The following PSMG4 variants were observed in gnomAD, a reference collection of about 807,000 sequenced individuals.
The protein encoded by PSMG4 is proteasome assembly chaperone 4, also known as proteasome (prosome, macropain) assembly chaperone 4.
PSMG4 carries 10 observed loss-of-function variants against 11.0 expected under a neutral mutation model. The ratio of observed to expected loss-of-function variants is 0.91; its 90% CI spans 0.56 to 1.54. The LOEUF (loss-of-function observed/expected upper bound fraction) is 1.54. PSMG4 is among the 40% of genes most tolerant of loss of function. PSMG4 has a pLI of 0.00. For missense variants in PSMG4, 198 were observed against 160.9 expected (o/e 1.23, Z -1.25); for synonymous variants, 95 against 71.3 (o/e 1.33, Z -1.68).
chr6:3,263,602 G>A (rs1758073909), intron 1 of PSMG4, 82 bp from the exon 2 acceptor site: 1 of 1,231,124 alleles, frequency 8.1e-7, no homozygotes, highest in Non-Finnish European at 1.1e-6. Flanking sequence ...TCGTCGTGAA[G>A]AATCAGAAGC....
At chr6:3,261,242 T>C (rs867956799) in intron 1 of PSMG4, among the ~76,000 whole-genome samples, 2 of 152,306 alleles carry the variant, frequency 1.3e-5, no homozygotes, top group Middle Eastern at 3.4e-3. Flanking sequence ...TCCTTTTTTC[T>C]TTTTTTCTTT....
In PSMG4 at chr6:3,260,292, T is replaced by TATA. The variant is rs1554129658; in HGVS notation, c.174+1096_174+1097insATA. Reference sequence around the variant, plus strand: ...GTCTTAAATTGTATATATATATATATTTTTTTTTTTTTTTTTTGAAGCAAA... The same window carrying TATA: ...GTCTTAAATTGTATATATATATATATATATTTTTTTTTTTTTTTTTGAAGCAAA... On this transcript the variant is annotated intron_variant, in intron 1 of 2. Transcript: ENST00000438998. Among the ~76,000 whole-genome samples, 13 of 12,650 alleles carry TATA rather than the reference T, an allele frequency of 1.0e-3. No individual in the cohort carries two copies. In the South Asian group the frequency reaches 0.013, roughly 13 times the overall value. 8.3% of individuals were successfully genotyped at this position (12,650 alleles called of 152,430 possible). A position where few individuals can be genotyped will look rare whatever the true frequency, so the allele number is the denominator to read the frequency against.
At chr6:3,254,573 T>C (rs929822415), upstream of PSMG4, among the ~76,000 whole-genome samples, 1 of 152,152 alleles carries the variant, frequency 6.6e-6, no homozygotes, top group African/African-American at 2.4e-5. Flanking sequence ...TTTGTGAGGC[T>C]GGGAACCCAA....
intron 2 of PSMG4, 31 bp downstream of exon 2, chr6:3,263,790 A>G: frequency 6.5e-7 from 1 of 1,543,776 alleles, no homozygotes; most frequent in Admixed American, 2.0e-5. Flanking sequence ...CTGCATGGCC[A>G]GCCAGGTGGG....
chr6:3,257,704 G>T (rs575041376), upstream of PSMG4, among the ~76,000 whole-genome samples: 1 of 152,206 alleles, frequency 6.6e-6, no homozygotes, highest in East Asian at 1.9e-4. Flanking sequence ...ACTAATCTGT[G>T]TGGCAGGAAG....
chr6:3,264,424 G>A (rs1758109324), intron 2 of PSMG4: 28 of 1,476,680 alleles, frequency 1.9e-5, no homozygotes, highest in Admixed American at 2.3e-5. Context: ...TCTCCAGTAG[G>A]CCCAGCTGCT....
chr6:3,260,291 A>ATATATATATATATATATATTTTT, intron 1 of PSMG4, among the ~76,000 whole-genome samples: 2 of 70,862 alleles, frequency 2.8e-5, no homozygotes, highest in East Asian at 4.6e-4. Context: ...ATATATATAT[A>ATATATATATATATATATATTTTT]TTTTTTTTTT....
At chr6:3,256,083 C>G (rs1757752114), upstream of PSMG4, among the ~76,000 whole-genome samples, 1 of 152,214 alleles carries the variant, frequency 6.6e-6, no homozygotes, top group South Asian at 2.1e-4. Context: ...AAGTCTACCA[C>G]CACTGCATCC....
upstream of PSMG4, among the ~76,000 whole-genome samples, chr6:3,256,752 T>G (rs1198063155): frequency 1.3e-4 from 20 of 152,158 alleles, no homozygotes; most frequent in Admixed American, 1.3e-3. Flanking sequence ...GAGTTGTGAG[T>G]TGTTCTGCAC....
upstream of PSMG4, chr6:3,254,917 G>T: frequency 1.0e-6 from 1 of 959,492 alleles, no homozygotes. Context: ...CTGAGCTGGT[G>T]CTTCAGCCAT....
intron 2 of PSMG4, chr6:3,264,038 C>G: frequency 7.2e-7 from 1 of 1,397,470 alleles, no homozygotes; most frequent in South Asian, 1.5e-5. Flanking sequence ...TAGTTGCCTT[C>G]CGTAAGTGCA....
chr6:3,254,615 C>G (rs115993805), upstream of PSMG4, among the ~76,000 whole-genome samples: 11 of 152,220 alleles, frequency 7.2e-5, 2 homozygotes, highest in Admixed American at 4.6e-4. Flanking sequence ...GTAGGCGTAG[C>G]TTTAAGAGGT....
upstream of PSMG4, chr6:3,255,338 A>C (rs146482287): frequency 1.4e-4 from 207 of 1,469,768 alleles, no homozygotes; most frequent in Non-Finnish European, 1.8e-4. Context: ...TGGTGGAGTC[A>C]TTCTATGTAG....
upstream of PSMG4, chr6:3,255,202 G>A: frequency 6.5e-7 from 1 of 1,550,370 alleles, no homozygotes; most frequent in Non-Finnish European, 8.7e-7. Context: ...TAGGATGTTT[G>A]GTGGCAGCAG....
chr6:3,258,183 GGATGATT>G (rs1757830640), upstream of PSMG4, among the ~76,000 whole-genome samples: 1 of 22,750 alleles, frequency 4.4e-5, no homozygotes, highest in Non-Finnish European at 3.8e-4. Context: ...TGGGATGATT[GGATGATT>G]GTTGGTGCTT....
intron 2 of PSMG4, 193 bp from the exon 3 acceptor site, chr6:3,267,398 A>T: frequency 6.6e-6 from 3 of 452,462 alleles, no homozygotes; most frequent in Non-Finnish European, 1.1e-5. Flanking sequence ...TCTGGTGGAG[A>T]GACTGGGAGA....
chr6:3,259,287 G>A (rs1232989944), intron 1 of PSMG4, 91 bp downstream of exon 1: 1 of 1,122,164 alleles, frequency 8.9e-7, no homozygotes, highest in African/African-American at 1.6e-5. Flanking sequence ...GGCTTCTCTT[G>A]GGTCCACAGG....
At chr6:3,261,500 C>T (rs899737864) in intron 1 of PSMG4, among the ~76,000 whole-genome samples, 7 of 152,174 alleles carry the variant, frequency 4.6e-5, no homozygotes, top group Admixed American at 3.9e-4. Context: ...TTTGGTCACC[C>T]GACCCCATGG....
upstream of PSMG4, among the ~76,000 whole-genome samples, chr6:3,257,621 T>A (rs189478823): frequency 1.3e-5 from 2 of 152,090 alleles, no homozygotes; most frequent in Non-Finnish European, 2.9e-5. Context: ...ATAATTATGA[T>A]GAAGGAAAGA....
Sources: gnomAD v4.1 joint callset for allele counts (sites outside exome capture counted in the v4.1 genomes callset) on GRCh38, gnomAD v4.1.1 for gene constraint, MANE v1.5 for transcripts, NCBI Gene and HGNC (gene_info 2026-07-23, HGNC 2026-07-21) for gene names.